AMD1: variants seen among roughly 807,000 people sequenced by gnomAD.
AMD1 encodes the protein S-adenosylmethionine decarboxylase proenzyme.
In AMD1, 11 loss-of-function variants were observed where a neutral mutation model predicts 40.2. The ratio of observed to expected loss-of-function variants is 0.27; its 90% confidence interval spans 0.17 to 0.45. AMD1 has a LOEUF of 0.45. Ranked by LOEUF, AMD1 falls within the 20% of genes least tolerant of loss-of-function variation. AMD1 has a pLI of 1.00. For missense variants in AMD1, 257 were observed against 410.2 expected (o/e 0.63, Z 3.23); for synonymous variants, 121 against 130.8 (o/e 0.93, Z 0.51).
the AMD1 span, among the ~76,000 whole-genome samples, chr6:110,862,051 A>T: frequency 5.3e-5 from 7 of 132,252 alleles, no homozygotes; most frequent in Admixed American, 2.5e-4. Flanking sequence ...ATGGAGTCTC[A>T]CTTTGTTACC....
At position 110,893,350 on chromosome 6, in the gene AMD1, A is replaced by G. The variant is rs374973548; in HGVS notation, c.865-126A>G. ...GATGCCCTGGCCCCTCCAGCACATA[A>G]GAAGGCAGCTAAAATAACTCAGATG... is the stretch of plus-strand genomic sequence containing the variant. On this transcript the variant is annotated intron_variant, in intron 8 of 8. Coordinates refer to ENST00000368885, the MANE Select transcript of AMD1 (RefSeq NM_001634.6). The G allele has an allele frequency of 2.8e-5, 37 of 1,334,392 alleles. No homozygotes were observed. The African/African-American group carries it at 4.3e-4, about 15-fold the overall frequency. 82.7% of individuals were successfully genotyped at this position (1,334,392 alleles called of 1,614,324 possible).
the AMD1 span, among the ~76,000 whole-genome samples, chr6:110,861,804 T>C: frequency 2.0e-5 from 3 of 151,986 alleles, no homozygotes; most frequent in Admixed American, 1.3e-4. Context: ...ATTGCGCCAC[T>C]GCACTCCAGC....
chr6:110,879,123 G>C (rs1381810894), intron 1 of AMD1, among the ~76,000 whole-genome samples: 2 of 152,124 alleles, frequency 1.3e-5, no homozygotes, highest in African/African-American at 4.8e-5. Context: ...CACTCTGAGA[G>C]ACCAAGGAGT....
chr6:110,846,158 G>C, the AMD1 span, among the ~76,000 whole-genome samples: 1 of 152,116 alleles, frequency 6.6e-6, no homozygotes, highest in Admixed American at 6.6e-5. Context: ...AGAATCACTT[G>C]AACCTAGGAG....
At chr6:110,857,486 T>C in the AMD1 span, among the ~76,000 whole-genome samples, 3 of 150,878 alleles carry the variant, frequency 2.0e-5, no homozygotes, top group African/African-American at 4.9e-5. Context: ...AGAGCCGAGA[T>C]TGTGCCATTG....
At chr6:110,889,843 A>G (rs1785910283) in intron 3 of AMD1, 1 of 155,788 alleles carries the variant, frequency 6.4e-6, no homozygotes, top group Non-Finnish European at 1.4e-5. Context: ...TAAGAAATCT[A>G]AAGCAATGTG....
At chr6:110,866,185 G>A in the AMD1 span, among the ~76,000 whole-genome samples, 1 of 152,044 alleles carries the variant, frequency 6.6e-6, no homozygotes, top group Non-Finnish European at 1.5e-5. Context: ...GATAATCAAG[G>A]TTACAGGAAA....
At position 110,890,376 on chromosome 6, in the gene AMD1, A is replaced by G. The variant is rs1785944796; in HGVS notation, c.427+20A>G. ...TCCCAAGTAAGTTTAAATAAAATAT[A>G]AACCTGTTGTCTTCTTAAAGATAGA... On this transcript the variant is annotated intron_variant, in intron 4 of 8. Coordinates refer to ENST00000368885, the MANE Select transcript of AMD1 (RefSeq NM_001634.6). 1 of 1,518,106 alleles carries G rather than the reference A, an allele frequency of 6.6e-7. No homozygotes were observed. The highest frequency in any genetic ancestry group is 9.0e-7 in the Non-Finnish European group (1 of 1,113,824). The allele number at this position is 1,518,106 out of a possible 1,614,324, so 94.0% of individuals were successfully genotyped here.
chr6:110,815,283 T>C, the AMD1 span: 11 of 929,036 alleles, frequency 1.2e-5, no homozygotes, highest in Middle Eastern at 3.7e-4. Flanking sequence ...CGCTCCGCGG[T>C]CCGCCTTCAG....
At chr6:110,875,320 G>A (rs1785035285) in intron 1 of AMD1, 105 bp downstream of exon 1, 2 of 947,524 alleles carry the variant, frequency 2.1e-6, no homozygotes, top group African/African-American at 3.3e-5. Flanking sequence ...TCAGTTGGGG[G>A]CAAGTCTGCG....
chr6:110,851,138 A>AT, the AMD1 span, among the ~76,000 whole-genome samples: 2 of 151,464 alleles, frequency 1.3e-5, no homozygotes, highest in African/African-American at 4.9e-5. Context: ...TAATTTTTGT[A>AT]TTTTTTTAGT....
chr6:110,845,339 C>T, the AMD1 span, among the ~76,000 whole-genome samples: 2 of 151,186 alleles, frequency 1.3e-5, no homozygotes, highest in African/African-American at 2.4e-5. Context: ...ACACCTGGCC[C>T]GGTGCCACAG....
chr6:110,882,852 C>T (rs1785482377), intron 1 of AMD1, among the ~76,000 whole-genome samples: 1 of 152,194 alleles, frequency 6.6e-6, no homozygotes, highest in Non-Finnish European at 1.5e-5. Flanking sequence ...AATGGGTTGG[C>T]ACGTGCCTAT....
At chr6:110,860,212 C>G in the AMD1 span, among the ~76,000 whole-genome samples, 1 of 151,650 alleles carries the variant, frequency 6.6e-6, no homozygotes, top group Non-Finnish European at 1.5e-5. Context: ...CCTGGCCACA[C>G]GCCCCACCGA....
At chr6:110,853,577 G>T in the AMD1 span, among the ~76,000 whole-genome samples, 29 of 152,212 alleles carry the variant, frequency 1.9e-4, no homozygotes, top group African/African-American at 6.3e-4. Flanking sequence ...AAAGGGCTGG[G>T]ATTACAGGCG....
At chr6:110,885,460 T>G (rs1255886587) in intron 1 of AMD1, among the ~76,000 whole-genome samples, 2 of 150,510 alleles carry the variant, frequency 1.3e-5, no homozygotes, top group Admixed American at 1.3e-4. Context: ...AGACGGAGTC[T>G]CCCTCTGTTG....
the AMD1 span, among the ~76,000 whole-genome samples, chr6:110,850,886 A>G: frequency 6.6e-6 from 1 of 152,210 alleles, no homozygotes; most frequent in African/African-American, 2.4e-5. Flanking sequence ...TTATTTAAAT[A>G]CTCAGAAATG....
chr6:110,857,657 T>C, the AMD1 span, among the ~76,000 whole-genome samples: 1 of 132,446 alleles, frequency 7.6e-6, no homozygotes, highest in Non-Finnish European at 1.7e-5. Context: ...ATATAGATGG[T>C]ATATATATAT....
the AMD1 span, chr6:110,815,200 T>TCCC: frequency 7.5e-7 from 1 of 1,324,986 alleles, no homozygotes; most frequent in Non-Finnish European, 9.8e-7. Context: ...CTCCTCCTCC[T>TCCC]CCCCCCGCGA....
Sources: gnomAD v4.1 joint callset for allele counts (sites outside exome capture counted in the v4.1 genomes callset) on GRCh38, gnomAD v4.1.1 for gene constraint, MANE v1.5 for transcripts, NCBI Gene and HGNC (gene_info 2026-07-23, HGNC 2026-07-21) for gene names.